RSU1: variants seen among roughly 807,000 people sequenced by gnomAD.
RSU1 encodes rsu-1.
Under a neutral mutation model 31.1 loss-of-function variants are expected in RSU1, and 26 were observed. The observed-to-expected ratio is 0.84, with a 90% CI of 0.61 to 1.16. The LOEUF is 1.16. Among genes scored for constraint, RSU1 ranks in the 50% most tolerant of loss-of-function variants. The probability of loss-of-function intolerance (pLI) is 0.00; values close to 1 mark genes in which losing one functional copy is unlikely to be tolerated. For synonymous variants in RSU1, 164 were observed against 136.3 expected, an observed-to-expected ratio of 1.20 and a Z score of -1.41; for missense variants, 320 against 339.1, an observed-to-expected ratio of 0.94 and a Z score of 0.44.
At chr10:16,597,010 T>C (rs1833626079) in intron 8 of RSU1, among the ~76,000 whole-genome samples, 1 of 152,232 alleles carries the variant, frequency 6.6e-6, no homozygotes, top group East Asian at 1.9e-4. Flanking sequence ...GCCACGCACC[T>C]GGCCTCCAAA....
intron 8 of RSU1, among the ~76,000 whole-genome samples, chr10:16,687,013 A>G (rs1835452318): frequency 6.6e-6 from 1 of 152,218 alleles, no homozygotes; most frequent in African/African-American, 2.4e-5. Context: ...TCCCAGTCAG[A>G]GCTCCCAGGC....
intron 3 of RSU1, among the ~76,000 whole-genome samples, chr10:16,780,120 T>C (rs552287322): frequency 6.6e-6 from 1 of 152,330 alleles, no homozygotes; most frequent in African/African-American, 2.4e-5. Context: ...CCTAATATTA[T>C]AATGCCTGGA....
chr10:16,774,928 G>A lies in RSU1; in HGVS notation c.160+7106C>T, dbSNP rs1837496921. 2.0e-5 allele frequency among the ~76,000 whole-genome samples: 3 copies of A among 151,936 alleles called. No homozygotes were observed. In the South Asian group the frequency reaches 6.2e-4, roughly 32 times the overall value. ...AGTCCAGCCTGGGCAAATTAGCCAG[G>A]CGTGGTGGTGCACATCTATCTAGGA... On this transcript the variant is annotated intron_variant, in intron 3 of 8. Coordinates refer to ENST00000345264, the MANE Select transcript of RSU1 (RefSeq NM_012425.4).
chr10:16,596,975 G>C lies in RSU1; in HGVS notation c.732-3479C>G, dbSNP rs182742788. Among the ~76,000 whole-genome samples, 242 of 152,316 alleles carry C rather than the reference G, an allele frequency of 1.6e-3. 2 individuals carry two copies. Among genetic ancestry groups the C allele is most frequent in the African/African-American group, 5.7e-3 (237 of 41,560 alleles). ...TGACCTCAAACGATCCACCCACCTTGGAAAGGCTGGGATTACAGGCGTGAG... is the reference window on the plus strand; with the variant it reads ...TGACCTCAAACGATCCACCCACCTTCGAAAGGCTGGGATTACAGGCGTGAG... On this transcript the variant is annotated intron_variant, in intron 8 of 8. Coordinates refer to ENST00000345264, the MANE Select transcript of RSU1 (RefSeq NM_012425.4).
At chr10:16,783,868 G>T (rs1181140824) in intron 2 of RSU1, among the ~76,000 whole-genome samples, 1 of 152,014 alleles carries the variant, frequency 6.6e-6, no homozygotes, top group African/African-American at 2.4e-5. Flanking sequence ...CAGTACATGA[G>T]GACCATCTAA....
At chr10:16,740,364 T>G (rs4748319) in intron 7 of RSU1, among the ~76,000 whole-genome samples, 82,759 of 152,006 alleles carry the variant, frequency 0.54, 22,997 homozygotes, top group East Asian at 0.82. Flanking sequence ...TCTGACAAGG[T>G]TTACACAAAA....
At chr10:16,739,628 T>C (rs1363997410) in intron 7 of RSU1, among the ~76,000 whole-genome samples, 1 of 151,896 alleles carries the variant, frequency 6.6e-6, no homozygotes, top group Non-Finnish European at 1.5e-5. Context: ...TCTTTCTTTC[T>C]TTCTTTTGAG....
At chr10:16,814,198 A>G (rs565912878) in intron 2 of RSU1, among the ~76,000 whole-genome samples, 70 of 152,276 alleles carry the variant, frequency 4.6e-4, no homozygotes, top group African/African-American at 1.6e-3. Flanking sequence ...CCAGCACTTT[A>G]GGAGGCCAAG....
intron 2 of RSU1, among the ~76,000 whole-genome samples, chr10:16,805,685 C>CTT (rs780025224): frequency 1.5e-5 from 2 of 132,184 alleles, no homozygotes; most frequent in African/African-American, 2.9e-5. Context: ...AAAAAAAAAG[C>CTT]TTTTTTTTTT....
chr10:16,595,858 A>C (rs1833603348), intron 8 of RSU1, among the ~76,000 whole-genome samples: 1 of 152,040 alleles, frequency 6.6e-6, no homozygotes, highest in Admixed American at 6.5e-5. Context: ...AGTCCCAGCT[A>C]CTCAGGAGGC....
chr10:16,605,499 T>C (rs897589046), intron 8 of RSU1, among the ~76,000 whole-genome samples: 2 of 152,222 alleles, frequency 1.3e-5, no homozygotes, highest in African/African-American at 4.8e-5. Flanking sequence ...TTAGTGCCTC[T>C]GAGACAGGGA....
intron 7 of RSU1, among the ~76,000 whole-genome samples, chr10:16,750,749 T>C (rs1836960867): frequency 6.6e-6 from 1 of 152,134 alleles, no homozygotes; most frequent in East Asian, 1.9e-4. Context: ...ACCTCACACA[T>C]GGAGATTCTG....
At chr10:16,640,643 G>A (rs1250613560) in intron 8 of RSU1, among the ~76,000 whole-genome samples, 1 of 152,206 alleles carries the variant, frequency 6.6e-6, no homozygotes, top group African/African-American at 2.4e-5. Flanking sequence ...TGCTGCCACA[G>A]GGCCTTCGCA....
At chr10:16,650,280 T>C (rs11254132) in intron 8 of RSU1, among the ~76,000 whole-genome samples, 10,997 of 152,210 alleles carry the variant, frequency 0.072, 1,349 homozygotes, top group African/African-American at 0.25. Context: ...GTCTCATTAA[T>C]CACCTTTCTA....
chr10:16,763,119 T>C (rs1464954550), intron 4 of RSU1, among the ~76,000 whole-genome samples: 1 of 152,024 alleles, frequency 6.6e-6, no homozygotes, highest in African/African-American at 2.4e-5. Flanking sequence ...ACATATGACT[T>C]TGCACAGAGA....
At chr10:16,716,199 G>C (rs1836136902) in intron 7 of RSU1, among the ~76,000 whole-genome samples, 1 of 152,168 alleles carries the variant, frequency 6.6e-6, no homozygotes, top group South Asian at 2.1e-4. Flanking sequence ...GTCTAGATAG[G>C]GCATCAGAGA....
chr10:16,807,733 G>T (rs17139234), intron 2 of RSU1, among the ~76,000 whole-genome samples: 27,174 of 152,164 alleles, frequency 0.18, 2,614 homozygotes, highest in African/African-American at 0.24. Flanking sequence ...GTGTTTTAAA[G>T]AATTCTGAGA....
intron 7 of RSU1, among the ~76,000 whole-genome samples, chr10:16,723,491 T>A (rs767734358): frequency 6.6e-6 from 1 of 152,230 alleles, no homozygotes; most frequent in Non-Finnish European, 1.5e-5. Flanking sequence ...AGAGCTCCAA[T>A]GGCAGATTCC....
intron 2 of RSU1, among the ~76,000 whole-genome samples, chr10:16,782,676 T>G (rs372492603): frequency 1.3e-4 from 20 of 152,212 alleles, no homozygotes; most frequent in African/African-American, 3.9e-4. Context: ...TGATTTGAAA[T>G]GCAGATTGCT....
Sources: gnomAD v4.1 joint callset for allele counts (sites outside exome capture counted in the v4.1 genomes callset) on GRCh38, gnomAD v4.1.1 for gene constraint, MANE v1.5 for transcripts, NCBI Gene and HGNC (gene_info 2026-07-23, HGNC 2026-07-21) for gene names.